SCYL1: variants seen among roughly 807,000 people sequenced by gnomAD.
SCYL1 encodes N-terminal kinase-like protein.
A neutral mutation model predicts 94.8 loss-of-function variants in SCYL1; 85 were observed. The ratio of observed to expected loss-of-function variants is 0.90; its 90% CI spans 0.75 to 1.07. SCYL1 has a LOEUF of 1.07. Ranked by LOEUF, SCYL1 falls within the 50% of genes least tolerant of loss-of-function variation. SCYL1 has a pLI of 0.00. For missense variants in SCYL1, 968 were observed against 1,083.3 expected, an observed-to-expected ratio of 0.89 and a Z score of 1.49; for synonymous variants, 459 against 435.5, an observed-to-expected ratio of 1.05 and a Z score of -0.67.
intron 10 of SCYL1, 97 bp downstream of exon 10, chr11:65,535,479 C>T: frequency 1.4e-6 from 2 of 1,480,388 alleles, no homozygotes; most frequent in South Asian, 2.4e-5. Context: ...CTTCATTCTC[C>T]CAGAGACTTA....
chr11:65,531,458 C>T (rs1023683320), intron 7 of SCYL1, 118 bp from the exon 8 acceptor site: 13 of 729,638 alleles, frequency 1.8e-5, no homozygotes, highest in Admixed American at 1.0e-4. Flanking sequence ...AAATGCCTGC[C>T]CCCCCCTCCG....
At chr11:65,525,808 C>T in intron 2 of SCYL1, 94 bp downstream of exon 2, 1 of 1,579,770 alleles carries the variant, frequency 6.3e-7, no homozygotes. Flanking sequence ...CCCTATGTGC[C>T]CCAGCACCCC....
chr11:65,532,788 C>A lies in SCYL1; in HGVS notation c.1213C>A (p.Arg405=). 2 of 1,613,834 alleles carry A rather than the reference C, an allele frequency of 1.2e-6. No homozygotes were observed. The highest frequency in any genetic ancestry group is 1.1e-5 in the South Asian group (1 of 91,072). The part of the protein sequence containing the change: ...HGFLDTNPAI[R]EQTVKSMLLL... ...CTTCCTGGACACCAACCCTGCCATC[C>A]GGGAGCAGACGGTCAAGGTGGGTGT... The change falls in exon 9 of 18, where the codon CGG becomes AGG. Residue 405 remains arginine (R), a synonymous_variant. Coordinates refer to ENST00000270176, the MANE Select transcript of SCYL1 (RefSeq NM_020680.4).
In SCYL1 at chr11:65,532,812, G is replaced by A; in HGVS notation, c.1230+7G>A. On this transcript the variant is annotated splice_region_variant and intron_variant, in intron 9 of 17. Coordinates refer to ENST00000270176, the MANE Select transcript of SCYL1 (RefSeq NM_020680.4). ...CCGGGAGCAGACGGTCAAGGTGGGT[G>A]TGGCCAGGCCCAGAGTGGCTACCCC... The A allele has an allele frequency of 6.2e-7, 1 of 1,609,456 alleles. No homozygotes were observed. Among genetic ancestry groups the A allele is most frequent in the South Asian group, 1.1e-5 (1 of 90,960 alleles).
In SCYL1 at chr11:65,538,202, C is replaced by A; in HGVS notation, c.2247+20C>A. The stretch of plus-strand genomic sequence containing the variant: ...ACCCAGGTACCCAGCACAGGTCTGG[C>A]GAGAGGGTAGAGATGGTGGACCTCA... On this transcript the variant is annotated intron_variant, in intron 16 of 17. Coordinates refer to ENST00000270176, the MANE Select transcript of SCYL1 (RefSeq NM_020680.4). The A allele has an allele frequency of 6.4e-7, 1 of 1,565,694 alleles. No homozygotes were observed. The highest frequency in any genetic ancestry group is 2.4e-5 in the East Asian group (1 of 42,028).
rs768707821 is a variant in SCYL1 at position 65,525,244 on chromosome 11, C to T, written c.91C>T (p.Leu31=). 8 of 1,452,274 alleles carry T rather than the reference C, an allele frequency of 5.5e-6. No homozygotes were observed. The highest frequency in any genetic ancestry group is 3.0e-5 in the African/African-American group (2 of 66,496). 90.0% of individuals were successfully genotyped at this position (1,452,274 alleles called of 1,614,324 possible). A position where few individuals can be genotyped will look rare whatever the true frequency, so the allele number is the denominator to read the frequency against. The part of the protein sequence containing the change: ...PEGGLPGPWA[L]HRGRKKATGS... ...GGGCGGCCTGCCCGGGCCCTGGGCCCTGCACCGCGGCCGCAAGAAGGTGAG... is the reference window on the plus strand; with the variant it reads ...GGGCGGCCTGCCCGGGCCCTGGGCCTTGCACCGCGGCCGCAAGAAGGTGAG... Residue 31 remains leucine, a synonymous_variant, in exon 1 of 18, where the codon CTG becomes TTG. Transcript: ENST00000270176.
chr11:65,529,855 C>T (rs1855281350), intron 6 of SCYL1, among the ~76,000 whole-genome samples: 1 of 152,204 alleles, frequency 6.6e-6, no homozygotes, highest in South Asian at 2.1e-4. Context: ...AGCTGTGTGA[C>T]TTTGGACAAG....
Position 65,536,987 on chromosome 11 carries a change from A to AGTTCCTGCCCCAGCCCCCACCCCT in SCYL1, c.1828_1851dup (p.Pro610_Ala617dup). 1 of 1,609,616 alleles carries AGTTCCTGCCCCAGCCCCCACCCCT rather than the reference A, an allele frequency of 6.2e-7. No homozygotes were observed. Among genetic ancestry groups the AGTTCCTGCCCCAGCCCCCACCCCT allele is most frequent in the Non-Finnish European group, 8.5e-7 (1 of 1,176,912 alleles). ...GCTCAGTGAGCCTCTGCTCCCCAGGAGTTCCTGCCCCAGCCCCCACCCCTG... is the reference window on the plus strand; with the variant it reads ...GCTCAGTGAGCCTCTGCTCCCCAGGAGTTCCTGCCCCAGCCCCCACCCCTGTTCCTGCCCCAGCCCCCACCCCTG... On this transcript the variant is annotated inframe_insertion and splice_region_variant, in exon 14 of 18. Coordinates refer to ENST00000270176, the MANE Select transcript of SCYL1 (RefSeq NM_020680.4).
Position 65,537,951 on chromosome 11 carries a change from TCC to T in SCYL1, c.2032-14_2032-13del. 1 of 1,601,606 alleles carries T rather than the reference TCC, an allele frequency of 6.2e-7. No homozygotes were observed. The highest frequency in any genetic ancestry group is 1.3e-5 in the African/African-American group (1 of 74,830). ...CCTTGGGCCCAGGGCTACTTCCCCCTCCCGCTCTTCTACAGGTCAGCAACTCC... is the reference window on the plus strand; with the variant it reads ...CCTTGGGCCCAGGGCTACTTCCCCCTCGCTCTTCTACAGGTCAGCAACTCC... On this transcript the variant is annotated splice_polypyrimidine_tract_variant and intron_variant, in intron 15 of 17. Coordinates refer to ENST00000270176, the MANE Select transcript of SCYL1 (RefSeq NM_020680.4).
Position 65,525,219 on chromosome 11 carries a change from G to A in SCYL1, c.66G>A (p.Glu22=). 2 of 1,456,560 alleles carry A rather than the reference G, an allele frequency of 1.4e-6. No homozygotes were observed. The highest frequency in any genetic ancestry group is 1.8e-6 in the Non-Finnish European group (2 of 1,100,350). 90.2% of individuals were successfully genotyped at this position (1,456,560 alleles called of 1,614,324 possible). A position where few individuals can be genotyped will look rare whatever the true frequency, so the allele number is the denominator to read the frequency against. Residue 22 remains glutamate (E), a synonymous_variant, in exon 1 of 18, where the codon GAG becomes GAA. Coordinates refer to ENST00000270176, the MANE Select transcript of SCYL1 (RefSeq NM_020680.4). ...FPFELIPEPP[E]GGLPGPWALH... Reference sequence around the variant, plus strand: ...TCGAGCTCATCCCGGAGCCCCCAGAGGGCGGCCTGCCCGGGCCCTGGGCCC... The same window carrying A: ...TCGAGCTCATCCCGGAGCCCCCAGAAGGCGGCCTGCCCGGGCCCTGGGCCC...
chr11:65,527,209 A>C, intron 6 of SCYL1, 92 bp downstream of exon 6: 1 of 1,442,318 alleles, frequency 6.9e-7, no homozygotes, highest in Non-Finnish European at 9.6e-7. Flanking sequence ...GACCCTCAGG[A>C]GACAAGCATG....
In SCYL1 at chr11:65,538,303, G is replaced by A. The variant is rs1369929176; in HGVS notation, c.2281G>A (p.Glu761Lys). ...AGACTCTTGGGGTGAGGACAACTGG[G>A]AGGGCCTCGAGACTGACAGTCGTAA... ...RPDSWGEDNW[E>K]GLETDSRQVK... The change falls in exon 17 of 18, where the codon GAG (glutamate) becomes AAG (lysine). Residue 761 changes from glutamate (E) to lysine (K), a missense_variant. Around this residue, in one of 2 missense-constraint regions of SCYL1, gnomAD observed 474 missense variants for 463.6 expected, o/e 1.02. Coordinates refer to ENST00000270176, the MANE Select transcript of SCYL1 (RefSeq NM_020680.4). 2 of 1,551,050 alleles carry A rather than the reference G, an allele frequency of 1.3e-6. No homozygotes were observed. Among genetic ancestry groups the A allele is most frequent in the African/African-American group, 2.7e-5 (2 of 73,020 alleles).
chr11:65,535,795 C>T, intron 10 of SCYL1, 158 bp from the exon 11 acceptor site: 1 of 735,694 alleles, frequency 1.4e-6, no homozygotes, highest in Non-Finnish European at 2.2e-6. Flanking sequence ...AGCCCAGGTC[C>T]AGAGTTTTAG....
chr11:65,535,492 C>T, intron 10 of SCYL1, 110 bp downstream of exon 10: 1 of 1,385,410 alleles, frequency 7.2e-7, no homozygotes, highest in Non-Finnish European at 9.9e-7. Flanking sequence ...GAGACTTAGA[C>T]CCTGCACGCT....
intron 6 of SCYL1, 86 bp from the exon 7 acceptor site, chr11:65,530,543 A>G: frequency 6.8e-7 from 1 of 1,475,758 alleles, no homozygotes; most frequent in Non-Finnish European, 9.2e-7. Context: ...GCCCATAAGC[A>G]TCACTTCTCC....
rs1222515595 is a variant in SCYL1 at position 65,537,123 on chromosome 11, C to G, written c.1954C>G (p.Leu652Val). The change falls in exon 14 of 18, where the codon CTG becomes GTG. Residue 652 changes from leucine to valine, a missense_variant. By Grantham distance (32) the Leu-to-Val change is conservative (BLOSUM62 1). Around this residue, in one of 2 missense-constraint regions of SCYL1, gnomAD observed 474 missense variants for 463.6 expected, o/e 1.02. Transcript: ENST00000270176. ...DRWDDEDWGS[L>V]EQEAESVLAQ... ...ATGGGACGACGAAGACTGGGGCAGC[C>G]TGGAGGTGTGTGGGGCTGAGGGAGC... 1.2e-6 allele frequency: 2 copies of G among 1,614,154 alleles called. No individual in the cohort carries two copies. Among genetic ancestry groups the G allele is most frequent in the Admixed American group, 1.7e-5 (1 of 60,026 alleles).
rs1013705742 is a variant in SCYL1 at position 65,532,568 on chromosome 11, C to T, written c.1117-124C>T. The stretch of plus-strand genomic sequence containing the variant: ...GAGGCCAAACACCTGGGTGGTGGCT[C>T]AGGAGGTTGACCTGGCTGGCCAGTG... On this transcript the variant is annotated intron_variant, in intron 8 of 17. Transcript: ENST00000270176. 23 of 748,210 alleles carry T rather than the reference C, an allele frequency of 3.1e-5. No homozygotes were observed. In the Admixed American group the frequency reaches 4.4e-4, roughly 14 times the overall value. 46.3% of individuals were successfully genotyped at this position (748,210 alleles called of 1,614,324 possible).
rs114103687 is a variant in SCYL1, at chr11:65,536,904, C to T, written c.1817-82C>T. On this transcript the variant is annotated intron_variant, in intron 13 of 17. Transcript: ENST00000270176. ...CCTGTGGGCTTCCTTGGTGCCCCTTCCCCCCAGTAGCCCCCTTCCCCTAGC... is the reference window on the plus strand; with the variant it reads ...CCTGTGGGCTTCCTTGGTGCCCCTTTCCCCCAGTAGCCCCCTTCCCCTAGC... 480 of 1,128,040 alleles carry T rather than the reference C, an allele frequency of 4.3e-4. No homozygotes were observed. In the African/African-American group the frequency reaches 6.3e-3, roughly 15 times the overall value. The allele number at this position is 1,128,040 out of a possible 1,614,324, so 69.9% of individuals were successfully genotyped here. A position where few individuals can be genotyped will look rare whatever the true frequency, so the allele number is the denominator to read the frequency against.
rs761837721 is a variant in SCYL1, at chr11:65,526,965, C to A, written c.697C>A (p.Pro233Thr). Residue 233 changes from proline to threonine, a missense_variant, in exon 6 of 18, where the codon CCC becomes ACC. Around this residue, in one of 2 missense-constraint regions of SCYL1, gnomAD observed 494 missense variants for 619.7 expected, o/e 0.80. Coordinates refer to ENST00000270176, the MANE Select transcript of SCYL1 (RefSeq NM_020680.4). The surrounding 1 kb of genome is among the most constrained non-coding windows in gnomAD (Gnocchi z 4.1). ...AAALRNPGKI[P>T]KTLVPHYCEL... ...GACACTGACCCCTCCCCTACAGATC[C>A]CCAAAACGCTGGTGCCCCATTACTG... 1 of 1,610,840 alleles carries A rather than the reference C, an allele frequency of 6.2e-7. No individual in the cohort carries two copies. The highest frequency in any genetic ancestry group is 1.7e-5 in the Admixed American group (1 of 59,950).
Sources: allele counts gnomAD v4.1 joint callset (sites outside exome capture counted in the v4.1 genomes callset), GRCh38; gene constraint gnomAD v4.1.1; regional missense constraint gnomAD v4.1.1; non-coding constraint Gnocchi (gnomAD v3.1); transcripts MANE v1.5; gene names NCBI Gene and HGNC (gene_info 2026-07-23, HGNC 2026-07-21).